The following NAA16 variants were observed in gnomAD, a reference collection of about 807,000 sequenced individuals.
NAA16 encodes the protein NARG1-like protein.
Under a neutral mutation model 110.3 loss-of-function variants are expected in NAA16, and 97 were observed. That is an observed-to-expected ratio of 0.88 (90% confidence interval 0.75 to 1.04). The LOEUF (loss-of-function observed/expected upper bound fraction) is 1.04. NAA16 is among the 50% of genes least tolerant of loss of function. The probability of loss-of-function intolerance (pLI) is 0.00; values close to 1 mark genes in which losing one functional copy is unlikely to be tolerated. For synonymous variants in NAA16, 372 were observed against 330.6 expected (o/e 1.13, Z -1.36); for missense variants, 1,017 against 1,005.1 (o/e 1.01, Z -0.16).
intron 9 of NAA16, among the ~76,000 whole-genome samples, chr13:41,343,213 T>G (rs1487120226): frequency 1.3e-5 from 2 of 151,690 alleles, no homozygotes; most frequent in Non-Finnish European, 2.9e-5. Context: ...CAAGTGATCC[T>G]TCCGTCTCAG....
At chr13:41,312,472 C>CT (rs1173503137) in intron 1 of NAA16, among the ~76,000 whole-genome samples, 1 of 152,076 alleles carries the variant, frequency 6.6e-6, no homozygotes, top group Non-Finnish European at 1.5e-5. Flanking sequence ...CATTCCTTTG[C>CT]TTTCCTCAGT....
chr13:41,346,782 G>A (rs1369826848), intron 9 of NAA16, among the ~76,000 whole-genome samples: 1 of 152,012 alleles, frequency 6.6e-6, no homozygotes, highest in Non-Finnish European at 1.5e-5. Flanking sequence ...TTAAGAATTG[G>A]CTAGACCTTG....
intron 7 of NAA16, among the ~76,000 whole-genome samples, chr13:41,330,358 A>G (rs559178634): frequency 7.9e-5 from 12 of 152,118 alleles, no homozygotes; most frequent in South Asian, 2.1e-4. Context: ...TTGAATATCA[A>G]TACTTATAAA....
intron 8 of NAA16, among the ~76,000 whole-genome samples, chr13:41,335,383 C>G (rs1227969589): frequency 1.3e-5 from 2 of 151,970 alleles, no homozygotes; most frequent in African/African-American, 2.4e-5. Context: ...AGTTATTTGC[C>G]CAAGGTTGCA....
rs932788609 is a variant in NAA16 at position 41,328,834 on chromosome 13, C to T, written c.802C>T (p.Leu268=). 1.3e-6 allele frequency: 2 copies of T among 1,599,698 alleles called. No individual in the cohort carries two copies. The highest frequency in any genetic ancestry group is 1.7e-6 in the Non-Finnish European group (2 of 1,168,716). The change falls in exon 7 of 20, where the codon CTA becomes TTA. Residue 268 remains leucine (L), a synonymous_variant. Coordinates refer to ENST00000379406, the MANE Select transcript of NAA16 (RefSeq NM_024561.5). Reference sequence around the variant, plus strand: ...TTATTATGAAGGCTTGGAAAAAGCTCTACAAATTAGTATGTAATGATTTTT... The same window carrying T: ...TTATTATGAAGGCTTGGAAAAAGCTTTACAAATTAGTATGTAATGATTTTT... ...WCYYEGLEKA[L]QISTLEERLQ... is the part of the protein sequence containing the mutation.
Position 41,358,315 on chromosome 13 carries a change from A to G in NAA16, c.1099A>G (p.Lys367Glu). Reference protein sequence around the residue: ...DFFSPYENGEKEPPTTLLWVQ... With the variant: ...DFFSPYENGEEEPPTTLLWVQ... ...TTGTTTGATTGCAGAGAATGGGGAG[A>G]AGGAACCCCCGACAACACTACTCTG... The change falls in exon 11 of 20, where the codon AAG becomes GAG. Residue 367 changes from lysine to glutamate, a missense_variant. By Grantham distance (56) the Lys-to-Glu change is moderately conservative. Coordinates refer to ENST00000379406, the MANE Select transcript of NAA16 (RefSeq NM_024561.5). 6.2e-7 allele frequency: 1 copy of G among 1,612,892 alleles called. No homozygotes were observed. Among genetic ancestry groups the G allele is most frequent in the Non-Finnish European group, 8.5e-7 (1 of 1,179,292 alleles).
intron 9 of NAA16, among the ~76,000 whole-genome samples, chr13:41,339,218 G>A (rs560046616): frequency 1.8e-4 from 28 of 152,038 alleles, no homozygotes; most frequent in Non-Finnish European, 3.5e-4. Flanking sequence ...TCGCCTCACC[G>A]AAACCTCTGC....
intron 8 of NAA16, among the ~76,000 whole-genome samples, 176 bp from the exon 9 acceptor site, chr13:41,336,474 T>C (rs2042384276): frequency 6.6e-6 from 1 of 152,206 alleles, no homozygotes; most frequent in Non-Finnish European, 1.5e-5. Context: ...ATATTTGATA[T>C]TGTGCTAAAT....
chr13:41,368,288 A>G (rs1303986223), intron 14 of NAA16, among the ~76,000 whole-genome samples: 1 of 152,184 alleles, frequency 6.6e-6, no homozygotes, highest in Non-Finnish European at 1.5e-5. Context: ...AGCCTAGGTA[A>G]CTATCTCAGA....
At chr13:41,368,638 C>T (rs1433329156) in intron 14 of NAA16, among the ~76,000 whole-genome samples, 2 of 152,124 alleles carry the variant, frequency 1.3e-5, no homozygotes, top group Non-Finnish European at 2.9e-5. Flanking sequence ...TTGTGGGTTC[C>T]ACATGGGTGG....
chr13:41,347,233 AC>A (rs752605685), intron 9 of NAA16, among the ~76,000 whole-genome samples: 320 of 30,910 alleles, frequency 0.01, 9 homozygotes, highest in South Asian at 0.062. Flanking sequence ...AAAAACAAAA[AC>A]AAAAACAAAA....
chr13:41,359,539 C>G (rs1322188107), intron 12 of NAA16, among the ~76,000 whole-genome samples: 4 of 152,096 alleles, frequency 2.6e-5, no homozygotes, highest in East Asian at 1.9e-4. Flanking sequence ...AGCTCAGAAA[C>G]AGATTTCACA....
At chr13:41,319,546 T>G (rs2041894124) in intron 3 of NAA16, among the ~76,000 whole-genome samples, 1 of 152,096 alleles carries the variant, frequency 6.6e-6, no homozygotes, top group Non-Finnish European at 1.5e-5. Context: ...GGAGGGAGTC[T>G]CACTCTGTCA....
At chr13:41,333,087 A>G (rs2042283216) in intron 8 of NAA16, among the ~76,000 whole-genome samples, 1 of 152,116 alleles carries the variant, frequency 6.6e-6, no homozygotes, top group Admixed American at 6.5e-5. Context: ...TGGGTTAGAC[A>G]CAGCTATCAG....
chr13:41,320,825 G>T lies in NAA16; in HGVS notation c.402+1G>T. 1 of 1,590,142 alleles carries T rather than the reference G, an allele frequency of 6.3e-7. No individual in the cohort carries two copies. Among genetic ancestry groups the T allele is most frequent in the Non-Finnish European group, 8.5e-7 (1 of 1,172,402 alleles). Reference sequence around the variant, plus strand: ...AATGAGAGACCTTGAAGGTTACCGAGTAAGTACTTCATTCTTAAATGTACA... The same window carrying T: ...AATGAGAGACCTTGAAGGTTACCGATTAAGTACTTCATTCTTAAATGTACA... On this transcript the variant is annotated splice_donor_variant, in intron 4 of 19. Transcript: ENST00000379406. LOFTEE classifies it high-confidence loss of function.
chr13:41,334,699 G>T (rs1171609849), intron 8 of NAA16, among the ~76,000 whole-genome samples: 1 of 152,196 alleles, frequency 6.6e-6, no homozygotes, highest in Non-Finnish European at 1.5e-5. Flanking sequence ...TTGGGTAGCT[G>T]TGTAGGCTTC....
In NAA16 at chr13:41,336,646, C is replaced by G. The variant is rs372443800; in HGVS notation, c.908-4C>G. On this transcript the variant is annotated splice_polypyrimidine_tract_variant and splice_region_variant and intron_variant, in intron 8 of 19. Transcript: ENST00000379406. ...AGAATAACAAAGTACGCTTTTGTTT[C>G]TAGGTGAAAGATTTAGAGAACTAAT... 5.9e-6 allele frequency: 9 copies of G among 1,527,804 alleles called. No homozygotes were observed. Among genetic ancestry groups the G allele is most frequent in the Non-Finnish European group, 8.0e-6 (9 of 1,119,812 alleles). 94.6% of individuals were successfully genotyped at this position (1,527,804 alleles called of 1,614,324 possible).
At chr13:41,313,833 A>G (rs1352612474) in intron 1 of NAA16, among the ~76,000 whole-genome samples, 1 of 151,272 alleles carries the variant, frequency 6.6e-6, no homozygotes, top group African/African-American at 2.4e-5. Flanking sequence ...TCTGCTTAGT[A>G]TATAATGGTT....
chr13:41,313,886 G>A (rs2041731615), intron 1 of NAA16, among the ~76,000 whole-genome samples: 1 of 147,464 alleles, frequency 6.8e-6, no homozygotes, highest in Non-Finnish European at 1.5e-5. Flanking sequence ...TTTTGCGAGA[G>A]TGTATCGCTT....
Sources: allele counts gnomAD v4.1 joint callset (sites outside exome capture counted in the v4.1 genomes callset), GRCh38; gene constraint gnomAD v4.1.1; transcripts MANE v1.5; gene names NCBI Gene and HGNC (gene_info 2026-07-23, HGNC 2026-07-21).